CTNNA2: variants seen among roughly 807,000 people sequenced by gnomAD.
CTNNA2 encodes the protein catenin alpha-2.
In CTNNA2, 42 loss-of-function variants were observed where a neutral mutation model predicts 101.0. That is an observed-to-expected ratio of 0.42 (90% confidence interval 0.32 to 0.54). The LOEUF is 0.54. CTNNA2 is among the 20% of genes least tolerant of loss of function. The probability of loss-of-function intolerance (pLI) is 0.14; values close to 1 mark genes in which losing one functional copy is unlikely to be tolerated. For missense variants in CTNNA2, 871 were observed against 1,223.1 expected (o/e 0.71, Z 4.29); for synonymous variants, 450 against 456.4 (o/e 0.99, Z 0.18).
intron 9 of CTNNA2, among the ~76,000 whole-genome samples, chr2:80,521,755 A>G (rs1323678247): frequency 6.6e-6 from 1 of 152,184 alleles, no homozygotes; most frequent in Non-Finnish European, 1.5e-5. Flanking sequence ...CCTTGATTTT[A>G]GCCCGGCGAG....
rs568659323 is a variant in CTNNA2 at position 79,570,593 on chromosome 2, C to G, written c.-6+57386C>G. Among the ~76,000 whole-genome samples the G allele has an allele frequency of 1.4e-3, 207 of 152,058 alleles. 1 individual carries two copies. Among genetic ancestry groups the G allele is most frequent in the African/African-American group, 4.9e-3 (202 of 41,464 alleles). The stretch of plus-strand genomic sequence containing the variant: ...AATAATTGACACTAGGTTTAGAATT[C>G]AGAACACTTTTATAAAGAGGAAAAA... On this transcript the variant is annotated intron_variant, in intron 1 of 18. Coordinates refer to ENST00000402739, the MANE Select transcript of CTNNA2 (RefSeq NM_001282597.3).
chr2:80,442,081 C>T lies in CTNNA2; in HGVS notation c.1290+22480C>T, dbSNP rs1259089268. On this transcript the variant is annotated intron_variant, in intron 9 of 18. Coordinates refer to ENST00000402739, the MANE Select transcript of CTNNA2 (RefSeq NM_001282597.3). ...TGTATATTCTTGTAACAGGTTCACA[C>T]ATATGACAACTCCTCATTTATTTTT... Among the ~76,000 whole-genome samples the T allele has an allele frequency of 2.0e-5, 3 of 152,246 alleles. No individual in the cohort carries two copies. In the East Asian group the frequency reaches 5.8e-4, roughly 29 times the overall value.
In CTNNA2 at chr2:80,019,778, C is replaced by T. The variant is rs531011518; in HGVS notation, c.1056+109981C>T. Among the ~76,000 whole-genome samples, 3 of 152,294 alleles carry T rather than the reference C, an allele frequency of 2.0e-5. No individual in the cohort carries two copies. The South Asian group carries it at 6.2e-4, about 32-fold the overall frequency. ...GGGAATGGCTTATCTGATGAAGCCC[C>T]ACTGAATCGAAGACTGTTTCATACT... On this transcript the variant is annotated intron_variant, in intron 7 of 18. Transcript: ENST00000402739.
intron 3 of CTNNA2, among the ~76,000 whole-genome samples, chr2:79,781,763 CTG>C (rs1674446768): frequency 6.6e-6 from 1 of 152,068 alleles, no homozygotes; most frequent in African/African-American, 2.4e-5. Context: ...TAATTTATAT[CTG>C]TGTGTGTGTA....
In CTNNA2 at chr2:79,459,655, C is replaced by T. The variant is rs549788990; in HGVS notation, c.-134-45399C>T. Reference sequence around the variant, plus strand: ...AGAGCTCCATATGCTCTCTCTCCGGCAGCTCTGATTACAAAGACAGAGCCA... The same window carrying T: ...AGAGCTCCATATGCTCTCTCTCCGGTAGCTCTGATTACAAAGACAGAGCCA... On this transcript the variant is annotated intron_variant, in intron 4 of 21. Transcript: ENST00000466387. Among the ~76,000 whole-genome samples the T allele has an allele frequency of 1.1e-4, 17 of 152,258 alleles. No homozygotes were observed. The South Asian group carries it at 3.5e-3, about 32-fold the overall frequency.
At chr2:80,362,317 T>A (rs1674490203) in intron 7 of CTNNA2, among the ~76,000 whole-genome samples, 1 of 152,088 alleles carries the variant, frequency 6.6e-6, no homozygotes, top group African/African-American at 2.4e-5. Context: ...GACTGAAAAA[T>A]AATTTACAAG....
chr2:80,410,938 T>A (rs1679511420), intron 8 of CTNNA2, among the ~76,000 whole-genome samples: 2 of 152,180 alleles, frequency 1.3e-5, no homozygotes, highest in Non-Finnish European at 2.9e-5. Flanking sequence ...AGAATGCAAA[T>A]TAGAATGCTA....
intron 2 of CTNNA2, among the ~76,000 whole-genome samples, chr2:79,264,287 C>A (rs1383452583): frequency 6.6e-6 from 1 of 152,050 alleles, no homozygotes; most frequent in African/African-American, 2.4e-5. Flanking sequence ...TCTTTCATAC[C>A]ACTGGTAGTA....
chr2:79,469,169 A>G (rs1670970714), intron 4 of CTNNA2, among the ~76,000 whole-genome samples: 1 of 152,200 alleles, frequency 6.6e-6, no homozygotes, highest in African/African-American at 2.4e-5. Context: ...AGAATCAAAT[A>G]GATGCACTAA....
chr2:79,323,187 T>G (rs1255470787), intron 3 of CTNNA2, among the ~76,000 whole-genome samples: 1 of 152,160 alleles, frequency 6.6e-6, no homozygotes, highest in Admixed American at 6.5e-5. Flanking sequence ...CACTCCCTAG[T>G]GGTAGAGTAA....
At chr2:79,483,224 C>G (rs1295267637) in intron 4 of CTNNA2, among the ~76,000 whole-genome samples, 2 of 152,200 alleles carry the variant, frequency 1.3e-5, no homozygotes, top group African/African-American at 4.8e-5. Flanking sequence ...TTTTAAAGCT[C>G]CTCAAAGAAA....
chr2:80,631,347 C>A (rs1057030561), intron 18 of CTNNA2, among the ~76,000 whole-genome samples: 1 of 143,850 alleles, frequency 7.0e-6, no homozygotes, highest in Non-Finnish European at 1.5e-5. Context: ...GGCTTTCTTT[C>A]AAAGAAACCA....
chr2:79,531,179 A>G (rs1226697480), intron 1 of CTNNA2, among the ~76,000 whole-genome samples: 1 of 136,800 alleles, frequency 7.3e-6, no homozygotes, highest in Non-Finnish European at 1.6e-5. Context: ...TTTATTTATT[A>G]GTAAATAGAT....
chr2:79,850,765 A>G (rs56164844), intron 3 of CTNNA2, among the ~76,000 whole-genome samples: 2,129 of 152,290 alleles, frequency 0.014, 47 homozygotes, highest in African/African-American at 0.049. Flanking sequence ...CACTTCCTTC[A>G]TCAGATTCTC....
intron 7 of CTNNA2, among the ~76,000 whole-genome samples, chr2:79,963,444 CA>C (rs911934408): frequency 4.6e-5 from 7 of 152,152 alleles, no homozygotes; most frequent in African/African-American, 1.7e-4. Context: ...CATTTCATGC[CA>C]GCCATCACTG....
chr2:79,263,996 G>A (rs1056229656), intron 2 of CTNNA2, among the ~76,000 whole-genome samples: 18 of 152,186 alleles, frequency 1.2e-4, no homozygotes, highest in Non-Finnish European at 7.3e-5. Flanking sequence ...TCAACATTTT[G>A]CCACTTAAGA....
chr2:79,310,876 CT>C (rs1676351944), intron 2 of CTNNA2, among the ~76,000 whole-genome samples: 1 of 152,100 alleles, frequency 6.6e-6, no homozygotes, highest in Admixed American at 6.6e-5. Flanking sequence ...TTCATTTTCT[CT>C]GGTTCTTAGA....
chr2:79,787,902 A>G (rs941897507), intron 3 of CTNNA2, among the ~76,000 whole-genome samples: 1 of 151,978 alleles, frequency 6.6e-6, no homozygotes, highest in Non-Finnish European at 1.5e-5. Context: ...GCCTTTTGCT[A>G]TATAAGGTAA....
chr2:79,269,011 G>A (rs190950774), intron 2 of CTNNA2, among the ~76,000 whole-genome samples: 3 of 152,138 alleles, frequency 2.0e-5, no homozygotes, highest in Non-Finnish European at 4.4e-5. Context: ...TGCGGAATGG[G>A]AGCATTTCAA....
Sources: allele counts gnomAD v4.1 joint callset (sites outside exome capture counted in the v4.1 genomes callset), GRCh38; gene constraint gnomAD v4.1.1; transcripts MANE v1.5; gene names NCBI Gene and HGNC (gene_info 2026-07-23, HGNC 2026-07-21).